The following EBF1 variants were observed in gnomAD, a reference collection of about 807,000 sequenced individuals.
EBF1 encodes the protein transcription factor COE1.
A neutral mutation model predicts 68.4 loss-of-function variants in EBF1; 10 were observed. That is an observed-to-expected ratio of 0.15 (90% CI 0.09 to 0.25). The LOEUF (loss-of-function observed/expected upper bound fraction) is 0.25. EBF1 is among the 10% of genes least tolerant of loss of function. EBF1 has a pLI of 1.00. For missense variants in EBF1, 509 were observed against 794.4 expected, an observed-to-expected ratio of 0.64 and a Z score of 4.32; for synonymous variants, 298 against 299.8, an observed-to-expected ratio of 0.99 and a Z score of 0.06.
At chr5:158,995,108 G>C (rs1761140863) in intron 6 of EBF1, among the ~76,000 whole-genome samples, 1 of 152,070 alleles carries the variant, frequency 6.6e-6, no homozygotes. Flanking sequence ...CTCATCTTCT[G>C]TCTCAGAGTT....
intron 11 of EBF1, among the ~76,000 whole-genome samples, chr5:158,715,441 T>C (rs1760444150): frequency 6.6e-6 from 1 of 152,202 alleles, no homozygotes; most frequent in South Asian, 2.1e-4. Context: ...AATTTTAAAT[T>C]CTCTATAATA....
At position 159,057,659 on chromosome 5, in the gene EBF1, T is replaced by C. The variant is rs935726225; in HGVS notation, c.554+15737A>G. 5.9e-5 allele frequency among the ~76,000 whole-genome samples: 9 copies of C among 152,274 alleles called. No homozygotes were observed. In the South Asian group the frequency reaches 1.2e-3, roughly 21 times the overall value. ...CTTATGGTCCTGGCTCTGAGACTAA[T>C]TAGGTCTTTGGGCAACATTGCTGTG... On this transcript the variant is annotated intron_variant, in intron 6 of 15. Transcript: ENST00000313708.
Position 159,090,405 on chromosome 5 carries a change from G to A in EBF1, c.411+5215C>T, listed in dbSNP as rs534752744. Among the ~76,000 whole-genome samples the A allele has an allele frequency of 3.6e-4, 55 of 152,142 alleles. No homozygotes were observed. The South Asian group carries it at 4.2e-3, about 11-fold the overall frequency. ...CAAACAGCAATCCAACATTAGTAGT[G>A]GAATAAAATAAAAAAATAATTTTGC... is the stretch of plus-strand genomic sequence containing the variant. On this transcript the variant is annotated intron_variant, in intron 4 of 15. Transcript: ENST00000313708.
rs1380636248 is a variant in EBF1, at chr5:158,697,926, T to C, written c.*1185A>G. ...AAAATTCCCATAGAACAGAAAACTA[T>C]GTTTTGGAGGTCTCAACCTTCTTTT... On this transcript the variant is annotated 3_prime_UTR_variant, in exon 16 of 16. Coordinates refer to ENST00000313708, the MANE Select transcript of EBF1 (RefSeq NM_024007.5). The C allele has an allele frequency of 9.6e-6, 2 of 209,378 alleles. No homozygotes were observed. The highest frequency in any genetic ancestry group is 1.4e-4 in the East Asian group (2 of 13,900). The allele number at this position is 209,378 out of a possible 1,614,324, so 13.0% of individuals were successfully genotyped here.
intron 6 of EBF1, among the ~76,000 whole-genome samples, chr5:159,011,729 G>A (rs970441681): frequency 3.3e-5 from 5 of 152,032 alleles, no homozygotes; most frequent in African/African-American, 1.2e-4. Flanking sequence ...TTCAATACTG[G>A]GCAATACAAA....
intron 6 of EBF1, among the ~76,000 whole-genome samples, chr5:158,917,811 C>A (rs188520595): frequency 6.6e-6 from 1 of 152,286 alleles, no homozygotes; most frequent in African/African-American, 2.4e-5. Flanking sequence ...TCTTTTTCCT[C>A]AAGGGATGCA....
chr5:158,921,093 G>A lies in EBF1; in HGVS notation c.555-80983C>T, dbSNP rs114498436. On this transcript the variant is annotated intron_variant, in intron 6 of 15. Transcript: ENST00000313708. ...GTCCACTTGGAAGCAAGCTAATGCT[G>A]CACACGTTTATGCGTTTGACCTCAC... 3.6e-3 allele frequency among the ~76,000 whole-genome samples: 551 copies of A among 152,310 alleles called. 6 individuals are homozygous for A. Among genetic ancestry groups the A allele is most frequent in the African/African-American group, 0.013 (529 of 41,560 alleles).
intron 6 of EBF1, among the ~76,000 whole-genome samples, chr5:158,938,663 C>T (rs973861913): frequency 6.6e-6 from 1 of 152,202 alleles, no homozygotes; most frequent in Non-Finnish European, 1.5e-5. Flanking sequence ...CCTCACATGG[C>T]ACAAAGAACG....
intron 6 of EBF1, among the ~76,000 whole-genome samples, chr5:159,017,033 C>A (rs1475662798): frequency 2.6e-5 from 4 of 152,112 alleles, no homozygotes; most frequent in Admixed American, 1.3e-4. Flanking sequence ...AGAAAATAAC[C>A]AAGTAAAATT....
chr5:159,077,212 A>G (rs928353935), intron 5 of EBF1, among the ~76,000 whole-genome samples: 2 of 152,230 alleles, frequency 1.3e-5, no homozygotes, highest in Non-Finnish European at 2.9e-5. Context: ...AGGTGGGTAG[A>G]TCACCTGAGG....
intron 9 of EBF1, among the ~76,000 whole-genome samples, chr5:158,783,673 G>T (rs902536234): frequency 6.6e-6 from 1 of 152,148 alleles, no homozygotes; most frequent in Admixed American, 6.5e-5. Flanking sequence ...ATCCTGTGGG[G>T]GTTAGCCAGG....
At chr5:158,706,184 A>C (rs974562439) in intron 15 of EBF1, among the ~76,000 whole-genome samples, 2 of 148,728 alleles carry the variant, frequency 1.3e-5, no homozygotes, top group Non-Finnish European at 3.0e-5. Flanking sequence ...GCAGTTGCAC[A>C]GGCACGCTTT....
At chr5:158,913,831 G>A (rs574837059) in intron 6 of EBF1, among the ~76,000 whole-genome samples, 25 of 152,168 alleles carry the variant, frequency 1.6e-4, no homozygotes, top group South Asian at 6.2e-4. Flanking sequence ...AATATGCTCC[G>A]CAAATAAAAT....
At chr5:159,010,729 GAGTAGAT>G (rs1357350071) in intron 6 of EBF1, among the ~76,000 whole-genome samples, 4 of 152,176 alleles carry the variant, frequency 2.6e-5, no homozygotes, top group Non-Finnish European at 5.9e-5. Context: ...GCTCCACAGG[GAGTAGAT>G]CCAAAGGAGG....
At position 159,097,007 on chromosome 5, in the gene EBF1, C is replaced by G; in HGVS notation, c.258G>C (p.Arg86Ser). 3.7e-6 allele frequency: 6 copies of G among 1,614,086 alleles called. No homozygotes were observed. Among genetic ancestry groups the G allele is most frequent in the Non-Finnish European group, 5.1e-6 (6 of 1,180,014 alleles). The change falls in exon 2 of 16, where the codon AGG becomes AGC. Residue 86 changes from arginine (R) to serine (S), a missense_variant. Physicochemically the swap from Arg to Ser is moderately radical, Grantham distance 110. Around this residue, in one of 3 missense-constraint regions of EBF1, gnomAD observed 230 missense variants for 467.7 expected, o/e 0.49. Transcript: ENST00000313708. ...DRQGQPVEIE[R>S]TAFVGFVEKE... ...TCTCCACGAACCCCACAAACGCTGT[C>G]CTCTCGATCTCCACGGGCTGGCCCT...
intron 6 of EBF1, among the ~76,000 whole-genome samples, chr5:158,931,396 C>G (rs1322243486): frequency 6.6e-6 from 1 of 152,154 alleles, no homozygotes; most frequent in Non-Finnish European, 1.5e-5. Flanking sequence ...TTTCCTTCCT[C>G]ATGGTATTCA....
intron 8 of EBF1, among the ~76,000 whole-genome samples, chr5:158,820,698 T>C (rs896939653): frequency 2.0e-5 from 3 of 152,214 alleles, no homozygotes; most frequent in Non-Finnish European, 4.4e-5. Flanking sequence ...CAGTGAAATG[T>C]CACCATTTTT....
At chr5:158,949,789 C>T (rs546337616) in intron 6 of EBF1, among the ~76,000 whole-genome samples, 6 of 152,348 alleles carry the variant, frequency 3.9e-5, no homozygotes, top group African/African-American at 1.4e-4. Context: ...GCCATACACA[C>T]CCTACCCATA....
chr5:158,872,729 T>G (rs78493283), intron 6 of EBF1, among the ~76,000 whole-genome samples: 1 of 152,206 alleles, frequency 6.6e-6, no homozygotes, highest in Non-Finnish European at 1.5e-5. Flanking sequence ...AATGATCTTA[T>G]TTCATCTTCA....
Sources: gnomAD v4.1 joint callset for allele counts (sites outside exome capture counted in the v4.1 genomes callset) on GRCh38, gnomAD v4.1.1 for gene constraint, gnomAD v4.1.1 regional missense constraint, MANE v1.5 for transcripts, NCBI Gene and HGNC (gene_info 2026-07-23, HGNC 2026-07-21) for gene names.